STAU2: variants seen among roughly 807,000 people sequenced by gnomAD.
STAU2 encodes staufen double-stranded RNA binding protein 2, also known as double-stranded RNA-binding protein Staufen homolog 2.
In STAU2, 20 loss-of-function variants were observed where a neutral mutation model predicts 65.9. The ratio of observed to expected loss-of-function variants is 0.30; its 90% CI spans 0.21 to 0.44. The LOEUF (loss-of-function observed/expected upper bound fraction) is 0.44. Among genes scored for constraint, STAU2 ranks in the 20% least tolerant of loss-of-function variants. The pLI, the probability that STAU2 is intolerant of heterozygous loss-of-function variation, is 1.00. For missense variants in STAU2, 558 were observed against 683.9 expected, an observed-to-expected ratio of 0.82 and a Z score of 2.05; for synonymous variants, 232 against 233.9, an observed-to-expected ratio of 0.99 and a Z score of 0.07.
intron 9 of STAU2, among the ~76,000 whole-genome samples, chr8:73,610,884 G>A (rs1293649205): frequency 6.6e-6 from 1 of 152,142 alleles, no homozygotes; most frequent in Non-Finnish European, 1.5e-5. Flanking sequence ...AATATCAAAT[G>A]GGCACTGGAG....
chr8:73,433,941 G>A (rs189005504), intron 13 of STAU2, among the ~76,000 whole-genome samples: 159 of 151,938 alleles, frequency 1.0e-3, no homozygotes, highest in Non-Finnish European at 2.1e-3. Flanking sequence ...GAATCGTAGC[G>A]CCCCAGATGC....
At chr8:73,585,575 T>G (rs1397278456) in intron 11 of STAU2, among the ~76,000 whole-genome samples, 2 of 152,204 alleles carry the variant, frequency 1.3e-5, no homozygotes, top group Admixed American at 1.3e-4. Context: ...CTTTTAAAGA[T>G]CATTGTTTGA....
At chr8:73,607,344 T>A (rs1812093972) in intron 9 of STAU2, among the ~76,000 whole-genome samples, 1 of 152,110 alleles carries the variant, frequency 6.6e-6, no homozygotes. Flanking sequence ...TATACTCAAG[T>A]TGGGCAGTAG....
At chr8:73,630,628 C>T (rs1419574037) in intron 6 of STAU2, among the ~76,000 whole-genome samples, 2 of 152,174 alleles carry the variant, frequency 1.3e-5, no homozygotes, top group Non-Finnish European at 2.9e-5. Context: ...CTACTATTCC[C>T]AAAGAGTGGA....
chr8:73,467,401 G>A (rs561832574), intron 13 of STAU2, among the ~76,000 whole-genome samples: 9 of 152,178 alleles, frequency 5.9e-5, no homozygotes, highest in African/African-American at 1.4e-4. Flanking sequence ...GCATGGTGGC[G>A]GGCGCCTGTA....
At chr8:73,611,929 G>A (rs1164073202) in intron 9 of STAU2, among the ~76,000 whole-genome samples, 7 of 151,990 alleles carry the variant, frequency 4.6e-5, no homozygotes, top group East Asian at 1.9e-4. Flanking sequence ...TGATCCACCC[G>A]CCTCAGCCTC....
intron 4 of STAU2, among the ~76,000 whole-genome samples, chr8:73,697,819 C>A (rs997911270): frequency 6.6e-6 from 1 of 152,178 alleles, no homozygotes; most frequent in Non-Finnish European, 1.5e-5. Flanking sequence ...GTGGCTCACA[C>A]TTGTAATCCC....
intron 3 of STAU2, among the ~76,000 whole-genome samples, chr8:73,730,843 G>A (rs373312258): frequency 7.9e-5 from 12 of 151,670 alleles, no homozygotes; most frequent in East Asian, 7.8e-4. Context: ...AGGTCCTCTA[G>A]TCCCTTACTG....
intron 12 of STAU2, among the ~76,000 whole-genome samples, chr8:73,556,681 C>T (rs1174684015): frequency 2.6e-5 from 4 of 152,066 alleles, no homozygotes; most frequent in Non-Finnish European, 2.9e-5. Context: ...CGCTTGAACC[C>T]GGGAGGTGGA....
rs1399571821 is a variant in STAU2, at chr8:73,426,974, G to T, written c.1531-4272C>A. Among the ~76,000 whole-genome samples, 3 of 147,050 alleles carry T rather than the reference G, an allele frequency of 2.0e-5. No homozygotes were observed. The East Asian group carries it at 5.9e-4, about 29-fold the overall frequency. The stretch of plus-strand genomic sequence containing the variant: ...ACAGAGTTTTGCTCTTGTTGCCCAG[G>T]CTGGAGTGCAATGGCGTGAACTCGG... On this transcript the variant is annotated intron_variant, in intron 13 of 14. Transcript: ENST00000524300.
intron 10 of STAU2, among the ~76,000 whole-genome samples, chr8:73,596,470 T>C (rs1027444217): frequency 1.3e-5 from 2 of 152,082 alleles, no homozygotes; most frequent in African/African-American, 2.4e-5. Context: ...CAAGGAGAAA[T>C]AGAAAATACA....
intron 6 of STAU2, among the ~76,000 whole-genome samples, chr8:73,664,088 G>T (rs1817051827): frequency 6.6e-6 from 1 of 152,060 alleles, no homozygotes; most frequent in Non-Finnish European, 1.5e-5. Context: ...GGGTCTCACT[G>T]CGTTGCCTAG....
intron 3 of STAU2, among the ~76,000 whole-genome samples, chr8:73,728,813 AG>A (rs1324943215): frequency 6.6e-6 from 1 of 152,076 alleles, no homozygotes; most frequent in Admixed American, 6.6e-5. Context: ...GCTTTAGTGG[AG>A]GTTTTTCTGG....
chr8:73,481,524 A>C (rs938665235), intron 13 of STAU2, among the ~76,000 whole-genome samples: 2 of 150,152 alleles, frequency 1.3e-5, no homozygotes, highest in African/African-American at 4.9e-5. Flanking sequence ...AACAAAAAAA[A>C]AAAACACTTT....
intron 3 of STAU2, among the ~76,000 whole-genome samples, chr8:73,720,279 A>AAAAAAAAAAAC (rs1821548910): frequency 6.6e-6 from 1 of 151,588 alleles, no homozygotes; most frequent in South Asian, 2.1e-4. Context: ...TCAAAAAAAA[A>AAAAAAAAAAAC]GCTATTCAGG....
At chr8:73,581,420 A>G (rs548554093) in intron 12 of STAU2, among the ~76,000 whole-genome samples, 87 of 152,338 alleles carry the variant, frequency 5.7e-4, no homozygotes, top group Admixed American at 4.4e-3. Context: ...GCACGCCTAC[A>G]TAGAATAGTA....
At chr8:73,685,016 C>T (rs1038542059) in intron 5 of STAU2, among the ~76,000 whole-genome samples, 7 of 152,084 alleles carry the variant, frequency 4.6e-5, no homozygotes, top group South Asian at 4.1e-4. Context: ...ATCATGGGGG[C>T]GGTTTCCCCC....
intron 6 of STAU2, among the ~76,000 whole-genome samples, chr8:73,647,056 CAAAATA>C (rs1204722313): frequency 2.0e-5 from 3 of 149,960 alleles, no homozygotes; most frequent in Non-Finnish European, 3.0e-5. Flanking sequence ...TCAGAATGAC[CAAAATA>C]AAAATAGTGA....
chr8:73,717,532 C>T (rs1431852171), intron 3 of STAU2, among the ~76,000 whole-genome samples: 1 of 152,166 alleles, frequency 6.6e-6, no homozygotes, highest in East Asian at 1.9e-4. Context: ...CACTACATTG[C>T]CTTTATGTCT....
Sources: allele counts gnomAD v4.1 joint callset (sites outside exome capture counted in the v4.1 genomes callset), GRCh38; gene constraint gnomAD v4.1.1; transcripts MANE v1.5; gene names NCBI Gene and HGNC (gene_info 2026-07-23, HGNC 2026-07-21).